The following SGF29 variants were observed in gnomAD, a reference collection of about 807,000 sequenced individuals.
SGF29 encodes the protein SAGA complex associated factor 29.
A neutral mutation model predicts 38.1 loss-of-function variants in SGF29; 15 were observed. The ratio of observed to expected loss-of-function variants is 0.39; its 90% CI spans 0.26 to 0.61. The LOEUF is 0.61. SGF29 is among the 20% of genes least tolerant of loss of function. The pLI is 0.49. For synonymous variants in SGF29, 151 were observed against 160.8 expected (o/e 0.94, Z 0.46); for missense variants, 184 against 394.6 (o/e 0.47, Z 4.52).
In SGF29 at chr16:28,586,076, C is replaced by T. The variant is rs538204713; in HGVS notation, c.224+356C>T. On this transcript the variant is annotated intron_variant, in intron 4 of 9. Coordinates refer to ENST00000317058, the MANE Select transcript of SGF29 (RefSeq NM_138414.3). ...GGCCGAGGTTAGAGGATCACTTGAA[C>T]GCAGGTGTTTGAGACCAGCCTGGGC... is the stretch of plus-strand genomic sequence containing the variant. 3.9e-5 allele frequency among the ~76,000 whole-genome samples: 6 copies of T among 152,278 alleles called. No individual in the cohort carries two copies. The East Asian group carries it at 5.8e-4, about 15-fold the overall frequency.
At chr16:28,567,510 C>G (rs538578020) in intron 1 of SGF29, among the ~76,000 whole-genome samples, 1 of 152,272 alleles carries the variant, frequency 6.6e-6, no homozygotes, top group Admixed American at 6.5e-5. Flanking sequence ...TGGGGTGCTG[C>G]TATAACAAAT....
intron 1 of SGF29, among the ~76,000 whole-genome samples, chr16:28,572,475 G>C (rs1253141350): frequency 6.6e-6 from 1 of 151,534 alleles, no homozygotes; most frequent in Non-Finnish European, 1.5e-5. Flanking sequence ...CACCATGTTG[G>C]CCAGGCTGGT....
intron 3 of SGF29, 87 bp downstream of exon 3, chr16:28,585,075 T>G (rs1027470315): frequency 1.6e-5 from 16 of 1,028,198 alleles, no homozygotes; most frequent in African/African-American, 8.0e-5. Flanking sequence ...GTCATTGTAT[T>G]CAAAATAGAT....
At chr16:28,583,832 T>C (rs1223848228) in intron 2 of SGF29, among the ~76,000 whole-genome samples, 1 of 152,202 alleles carries the variant, frequency 6.6e-6, no homozygotes, top group East Asian at 1.9e-4. Context: ...TCTCCAACTT[T>C]TTTTTTCTTT....
intron 2 of SGF29, 70 bp from the exon 3 acceptor site, chr16:28,584,843 G>T: frequency 1.8e-6 from 2 of 1,117,588 alleles, no homozygotes; most frequent in Non-Finnish European, 2.6e-6. Flanking sequence ...TGGGGACTCT[G>T]GCCTGGCTGG....
Position 28,589,084 on chromosome 16 carries a change from TTC to T in SGF29, c.225-13_225-12del. 3.7e-6 allele frequency: 6 copies of T among 1,613,970 alleles called. No homozygotes were observed. The Admixed American group carries it at 8.3e-5, about 22-fold the overall frequency. ...ACGTTAACCAAACCCTCTTTCTCCC[TTC>T]TCCCCGCCCTCAGCATCCTTCGGAA... On this transcript the variant is annotated splice_polypyrimidine_tract_variant and intron_variant, in intron 4 of 9. Transcript: ENST00000317058.
Position 28,591,681 on chromosome 16 carries a change from C to T in SGF29, c.857C>T (p.Ala286Val), listed in dbSNP as rs1461033349. Residue 286 changes from alanine to valine, a missense_variant, in exon 10 of 10, where the codon GCT becomes GTT. Coordinates refer to ENST00000317058, the MANE Select transcript of SGF29 (RefSeq NM_138414.3). ...PLNVAQRYVV[A>V]CKEPKKK Reference sequence around the variant, plus strand: ...AATGTGGCTCAGAGATACGTGGTGGCTTGTAAGGAACCCAAGAAAAAGTGA... The same window carrying T: ...AATGTGGCTCAGAGATACGTGGTGGTTTGTAAGGAACCCAAGAAAAAGTGA... 6.2e-7 allele frequency: 1 copy of T among 1,613,598 alleles called. No individual in the cohort carries two copies. Among genetic ancestry groups the T allele is most frequent in the East Asian group, 2.2e-5 (1 of 44,888 alleles).
In SGF29 at chr16:28,581,045, C is replaced by T; in HGVS notation, c.-15-10C>T. The T allele has an allele frequency of 6.2e-7, 1 of 1,607,444 alleles. No individual in the cohort carries two copies. Among genetic ancestry groups the T allele is most frequent in the Non-Finnish European group, 8.5e-7 (1 of 1,174,770 alleles). On this transcript the variant is annotated splice_polypyrimidine_tract_variant and intron_variant, in intron 1 of 9. Transcript: ENST00000317058. The stretch of plus-strand genomic sequence containing the variant: ...AACAGAGTTCTCTTCTGTCCTCGCT[C>T]CCCCACCAGGTGCCCCTGTAGACAA...
chr16:28,556,322 A>G (rs1433040491), intron 1 of SGF29, among the ~76,000 whole-genome samples: 2 of 151,970 alleles, frequency 1.3e-5, no homozygotes, highest in African/African-American at 4.8e-5. Context: ...AGCATGCACC[A>G]CCATGCCTGG....
chr16:28,560,659 T>C lies in SGF29; in HGVS notation c.-16+6562T>C, dbSNP rs1279456373. On this transcript the variant is annotated intron_variant, in intron 1 of 9. Transcript: ENST00000317058. ...AAAACAGGAAAATATGATCTGTGTT[T>C]ACAAAAAAAGGCAATGAACGGGCCC... Among the ~76,000 whole-genome samples, 303 of 127,530 alleles carry C rather than the reference T, an allele frequency of 2.4e-3. No individual in the cohort carries two copies. The Middle Eastern group carries it at 0.047, about 20-fold the overall frequency. The allele number at this position is 127,530 out of a possible 152,430, so 83.7% of individuals were successfully genotyped here.
chr16:28,591,144 AG>A (rs2046987802), intron 9 of SGF29, among the ~76,000 whole-genome samples: 1 of 152,128 alleles, frequency 6.6e-6, no homozygotes, highest in Non-Finnish European at 1.5e-5. Flanking sequence ...GCCCCGAGTC[AG>A]TGGCTTCCAG....
chr16:28,564,737 G>GTA lies in SGF29; in HGVS notation c.-16+10646_-16+10647dup, dbSNP rs1555474919. 2.6e-3 allele frequency among the ~76,000 whole-genome samples: 30 copies of GTA among 11,330 alleles called. 1 individual carries two copies. Among genetic ancestry groups the GTA allele is most frequent in the African/African-American group, 4.2e-3 (18 of 4,302 alleles). The allele number at this position is 11,330 out of a possible 152,430, so 7.4% of individuals were successfully genotyped here. On this transcript the variant is annotated intron_variant, in intron 1 of 9. Transcript: ENST00000317058. ...TATATGTATATATATACATATATAT[G>GTA]TATATATGTATATATATGTATATAT...
chr16:28,579,196 C>G (rs1177331694), intron 1 of SGF29, among the ~76,000 whole-genome samples: 1 of 151,862 alleles, frequency 6.6e-6, no homozygotes, highest in Non-Finnish European at 1.5e-5. Flanking sequence ...TCTATTTTCA[C>G]CTACTTGTAA....
At chr16:28,556,787 A>T (rs2151640084) in intron 1 of SGF29, among the ~76,000 whole-genome samples, 1 of 152,146 alleles carries the variant, frequency 6.6e-6, no homozygotes, top group East Asian at 1.9e-4. Context: ...AGGACTACAC[A>T]TGTGCACCAC....
chr16:28,579,752 G>A (rs1041279495), intron 1 of SGF29, among the ~76,000 whole-genome samples: 3 of 151,516 alleles, frequency 2.0e-5, no homozygotes. Context: ...CCAACATGGT[G>A]AAACCCCATC....
intron 9 of SGF29, among the ~76,000 whole-genome samples, chr16:28,591,276 C>A (rs996125793): frequency 1.3e-5 from 2 of 152,208 alleles, no homozygotes; most frequent in Non-Finnish European, 2.9e-5. Flanking sequence ...GCCTGCCACC[C>A]TCTGGGTTGC....
At chr16:28,589,190 G>A in intron 5 of SGF29, 26 bp downstream of exon 5, 1 of 1,613,374 alleles carries the variant, frequency 6.2e-7, no homozygotes, top group East Asian at 2.2e-5. Context: ...CATGCTGGGA[G>A]GTCCTTTGCT....
chr16:28,568,313 C>CAAAAA (rs148414167), intron 1 of SGF29, among the ~76,000 whole-genome samples: 3 of 54,248 alleles, frequency 5.5e-5, no homozygotes, highest in African/African-American at 8.0e-5. Flanking sequence ...AACTCCATCT[C>CAAAAA]AAAAAAAAAA....
At chr16:28,582,704 G>A (rs1021875428) in intron 2 of SGF29, among the ~76,000 whole-genome samples, 15 of 152,196 alleles carry the variant, frequency 9.9e-5, no homozygotes, top group African/African-American at 2.4e-4. Context: ...AGCATGTTGG[G>A]AGGCTGAGGC....
Sources: gnomAD v4.1 joint callset for allele counts (sites outside exome capture counted in the v4.1 genomes callset) on GRCh38, gnomAD v4.1.1 for gene constraint, MANE v1.5 for transcripts, NCBI Gene and HGNC (gene_info 2026-07-23, HGNC 2026-07-21) for gene names.